ZFP1: variants seen among roughly 807,000 people sequenced by gnomAD.
The protein encoded by ZFP1 is zinc finger protein 1 homolog.
Under a neutral mutation model 38.5 loss-of-function variants are expected in ZFP1, and 32 were observed. That is an observed-to-expected ratio of 0.83 (90% CI 0.63 to 1.12). ZFP1 has a LOEUF of 1.12. Among genes scored for constraint, ZFP1 ranks in the 50% most tolerant of loss-of-function variants. The pLI is 0.00. For synonymous variants in ZFP1, 245 were observed against 168.8 expected, an observed-to-expected ratio of 1.45 and a Z score of -3.50; for missense variants, 616 against 480.8, an observed-to-expected ratio of 1.28 and a Z score of -2.63.
chr16:75,129,239 A>G, the ZFP1 span, among the ~76,000 whole-genome samples: 1 of 152,174 alleles, frequency 6.6e-6, no homozygotes, highest in Non-Finnish European at 1.5e-5. Context: ...ACCTTCTAAA[A>G]ATGAGCTTTC....
At chr16:75,149,417 A>G (rs1013126108) in intron 1 of ZFP1, 1 of 152,240 alleles carries the variant, frequency 6.6e-6, no homozygotes, top group Non-Finnish European at 1.5e-5. Context: ...ACTTTGAAAT[A>G]CGAAAGTTTT....
intron 1 of ZFP1, among the ~76,000 whole-genome samples, chr16:75,151,887 C>T (rs551674171): frequency 2.6e-4 from 39 of 152,112 alleles, no homozygotes; most frequent in Non-Finnish European, 4.4e-4. Flanking sequence ...ATAATGAATT[C>T]GCTATGTTTT....
At chr16:75,153,035 A>C (rs368852593) in intron 2 of ZFP1, 69 bp downstream of exon 2, 13 of 1,584,084 alleles carry the variant, frequency 8.2e-6, no homozygotes, top group Non-Finnish European at 1.0e-5. Context: ...GATCCAGAAA[A>C]TGAAATAGAA....
intron 2 of ZFP1, among the ~76,000 whole-genome samples, chr16:75,153,962 T>G (rs1306480924): frequency 3.3e-5 from 5 of 152,350 alleles, no homozygotes; most frequent in African/African-American, 1.2e-4. Flanking sequence ...AGGTAGCCTT[T>G]TTAGATTGGT....
the ZFP1 span, among the ~76,000 whole-genome samples, chr16:75,140,955 T>C: frequency 6.6e-6 from 1 of 151,708 alleles, no homozygotes; most frequent in African/African-American, 2.4e-5. Context: ...CAAGACTCCA[T>C]CTCAAAAAAA....
At chr16:75,151,640 C>CAT (rs750267587) in intron 1 of ZFP1, among the ~76,000 whole-genome samples, 121 of 152,252 alleles carry the variant, frequency 7.9e-4, no homozygotes, top group Non-Finnish European at 1.5e-3. Flanking sequence ...TTATTGTTGT[C>CAT]ATACATGTTG....
rs990705118 is a variant in ZFP1 at position 75,170,813 on chromosome 16, A to T, written c.*479A>T. 6.5e-6 allele frequency: 1 copy of T among 154,270 alleles called. No individual in the cohort carries two copies. Among genetic ancestry groups the T allele is most frequent in the African/African-American group, 2.4e-5 (1 of 41,484 alleles). The allele number at this position is 154,270 out of a possible 1,614,324, so 9.6% of individuals were successfully genotyped here. A position where few individuals can be genotyped will look rare whatever the true frequency, so the allele number is the denominator to read the frequency against. ...CTAAACATCACATGTGTTTTTCAGT[A>T]TCTCTGCAATCCAGTATGCATTCCA... On this transcript the variant is annotated 3_prime_UTR_variant, in exon 4 of 4. Coordinates refer to ENST00000570010, the MANE Select transcript of ZFP1 (RefSeq NM_153688.4).
At chr16:75,139,615 C>T in the ZFP1 span, among the ~76,000 whole-genome samples, 1 of 151,968 alleles carries the variant, frequency 6.6e-6, no homozygotes, top group South Asian at 2.1e-4. Context: ...TTGCTTGAGG[C>T]CAGGAGGTGG....
At chr16:75,163,769 G>A (rs560251978) in intron 2 of ZFP1, among the ~76,000 whole-genome samples, 1 of 151,820 alleles carries the variant, frequency 6.6e-6, no homozygotes, top group African/African-American at 2.4e-5. Flanking sequence ...GCACCACCAC[G>A]TCCAGCTAGG....
intron 2 of ZFP1, among the ~76,000 whole-genome samples, chr16:75,154,074 A>G (rs1276020360): frequency 6.6e-6 from 1 of 152,200 alleles, no homozygotes; most frequent in African/African-American, 2.4e-5. Context: ...AGTACAAAAA[A>G]TTAGCCAGGC....
chr16:75,135,164 C>A, the ZFP1 span, among the ~76,000 whole-genome samples: 1 of 138,424 alleles, frequency 7.2e-6, no homozygotes, highest in African/African-American at 2.7e-5. Flanking sequence ...GAGCCATGAT[C>A]ACAACACTGC....
At chr16:75,121,106 G>T in the ZFP1 span, among the ~76,000 whole-genome samples, 1,242 of 152,126 alleles carry the variant, frequency 8.2e-3, 12 homozygotes, top group African/African-American at 0.028. Context: ...CCACTTAAAA[G>T]GTAGTCCCTT....
chr16:75,147,655 T>G (rs1225018248), upstream of ZFP1, among the ~76,000 whole-genome samples: 2 of 152,040 alleles, frequency 1.3e-5, no homozygotes, highest in Non-Finnish European at 2.9e-5. Context: ...GGATATCAAC[T>G]TTGGGGAGGT....
chr16:75,152,159 G>C (rs1224648182), intron 1 of ZFP1, among the ~76,000 whole-genome samples: 2 of 152,022 alleles, frequency 1.3e-5, no homozygotes, highest in East Asian at 3.8e-4. Flanking sequence ...CATTTGTTTG[G>C]ATACGATGTG....
At chr16:75,136,502 G>C in the ZFP1 span, among the ~76,000 whole-genome samples, 13 of 152,164 alleles carry the variant, frequency 8.5e-5, no homozygotes, top group Non-Finnish European at 1.8e-4. Flanking sequence ...ATATGATAAT[G>C]AATTACAATT....
chr16:75,121,970 T>C, the ZFP1 span, among the ~76,000 whole-genome samples: 4 of 152,214 alleles, frequency 2.6e-5, no homozygotes, highest in Admixed American at 2.0e-4. Flanking sequence ...AAATTTCTCA[T>C]AGGGGTTACA....
rs755662823 is a variant in ZFP1 at position 75,166,759 on chromosome 16, T to A, written c.16-11T>A. 6.2e-7 allele frequency: 1 copy of A among 1,614,170 alleles called. No individual in the cohort carries two copies. The highest frequency in any genetic ancestry group is 1.1e-5 in the South Asian group (1 of 91,088). ...GATCATCTTAGGATGAATAACAATA[T>A]GCCATTTCAGGGATCAGTTTCATTC... On this transcript the variant is annotated splice_polypyrimidine_tract_variant and intron_variant, in intron 2 of 3. Coordinates refer to ENST00000570010, the MANE Select transcript of ZFP1 (RefSeq NM_153688.4).
intron 1 of ZFP1, among the ~76,000 whole-genome samples, chr16:75,151,804 G>T (rs1276300796): frequency 1.3e-5 from 2 of 152,016 alleles, no homozygotes; most frequent in Admixed American, 6.6e-5. Flanking sequence ...TGTAGATTCA[G>T]GTTTTTGTCT....
At chr16:75,126,114 T>C in the ZFP1 span, 1 of 152,238 alleles carries the variant, frequency 6.6e-6, no homozygotes, top group South Asian at 2.1e-4. Context: ...GTTATCACTT[T>C]GGTTAAATGA....
Sources: allele counts gnomAD v4.1 joint callset (sites outside exome capture counted in the v4.1 genomes callset), GRCh38; gene constraint gnomAD v4.1.1; transcripts MANE v1.5; gene names NCBI Gene and HGNC (gene_info 2026-07-23, HGNC 2026-07-21).